Variants in C1QTNF6 observed in about 807,000 individuals in gnomAD.
The protein encoded by C1QTNF6 is C1q and TNF related 6.
C1QTNF6 carries 17 observed loss-of-function variants against 20.7 expected under a neutral mutation model. The observed-to-expected ratio is 0.82, with a 90% CI of 0.56 to 1.23. The LOEUF is 1.23. Among genes scored for constraint, C1QTNF6 ranks in the 50% most tolerant of loss-of-function variants. C1QTNF6 has a pLI of 0.00. For synonymous variants in C1QTNF6, 130 were observed against 156.3 expected, an observed-to-expected ratio of 0.83 and a Z score of 1.25; for missense variants, 329 against 389.7, an observed-to-expected ratio of 0.84 and a Z score of 1.31.
rs777306907 is a variant in C1QTNF6, at chr22:37,182,327, C to T, written c.698G>A (p.Ser233Asn). Residue 233 changes from serine (S) to asparagine (N), a missense_variant, in exon 3 of 3, where the codon AGT becomes AAT. By Grantham distance (46) the Ser-to-Asn change is conservative. Transcript: ENST00000337843. ...CCCGTAGGCCAGGTCCAGCATCACA[C>T]TCTGGCTCTGCATGATGCTGCGCTC... ...PSERSIMQSQ[S>N]VMLDLAYGDR... 1.3e-5 allele frequency: 21 copies of T among 1,614,238 alleles called. No homozygotes were observed. The highest frequency in any genetic ancestry group is 1.8e-5 in the Non-Finnish European group (21 of 1,180,030).
At chr22:37,189,596 C>CT (rs1370426825), upstream of C1QTNF6, among the ~76,000 whole-genome samples, 2 of 152,304 alleles carry the variant, frequency 1.3e-5, no homozygotes, top group Admixed American at 1.3e-4. Context: ...TCCTGCCTAA[C>CT]TATTAGAGTC....
chr22:37,188,709 C>A (rs1017153248), upstream of C1QTNF6, among the ~76,000 whole-genome samples: 1 of 152,232 alleles, frequency 6.6e-6, no homozygotes, highest in Non-Finnish European at 1.5e-5. Context: ...ACCACAGTCG[C>A]GTCGCCTCTC....
In C1QTNF6 at chr22:37,182,553, C is replaced by G. The variant is rs370547311; in HGVS notation, c.472G>C (p.Glu158Gln). The G allele has an allele frequency of 6.2e-7, 1 of 1,614,194 alleles. No individual in the cohort carries two copies. Among genetic ancestry groups the G allele is most frequent in the Admixed American group, 1.7e-5 (1 of 60,036 alleles). The change falls in exon 3 of 3, where the codon GAG becomes CAG. Residue 158 changes from glutamate (E) to glutamine (Q), a missense_variant. Transcript: ENST00000337843. ...VGRKTALHSGEDFQTLLFERV... is the reference protein window; with the variant it reads ...VGRKTALHSGQDFQTLLFERV... ...TCGAAGAGCAGCGTCTGGAAGTCCT[C>G]GCCGCTGTGCAGGGCCGTCTTGCGG...
In C1QTNF6 at chr22:37,182,512, G is replaced by T; in HGVS notation, c.513C>A (p.Asn171Lys). 5 of 1,614,282 alleles carry T rather than the reference G, an allele frequency of 3.1e-6. No individual in the cohort carries two copies. Among genetic ancestry groups the T allele is most frequent in the South Asian group, 1.1e-5 (1 of 91,090 alleles). The change falls in exon 3 of 3, where the codon AAC (asparagine) becomes AAA (lysine). Residue 171 changes from asparagine to lysine, a missense_variant. Asn to Lys is a moderately conservative substitution (Grantham distance 94, BLOSUM62 0). Coordinates refer to ENST00000337843, the MANE Select transcript of C1QTNF6 (RefSeq NM_031910.4). ...TCGCCATGTCAAAGCACCCATCAAG[G>T]TTCACAAAGACCCTTTCGAAGAGCA... is the stretch of plus-strand genomic sequence containing the variant. Reference protein sequence around the residue: ...QTLLFERVFVNLDGCFDMATG... With the variant: ...QTLLFERVFVKLDGCFDMATG...
Position 37,185,013 on chromosome 22 carries a change from G to A in C1QTNF6, c.289+205C>T, listed in dbSNP as rs1213124082. On this transcript the variant is annotated intron_variant, in intron 2 of 2. Transcript: ENST00000337843. ...TGCTCACAGCCCATCTCCCCACCGA[G>A]AACGGGTGCTCAGGCAGGAGGCATC... Among the ~76,000 whole-genome samples, 3 of 152,130 alleles carry A rather than the reference G, an allele frequency of 2.0e-5. No homozygotes were observed. The East Asian group carries it at 5.8e-4, about 29-fold the overall frequency.
chr22:37,199,115 C>A (rs1005093347), upstream of C1QTNF6, among the ~76,000 whole-genome samples: 3 of 152,228 alleles, frequency 2.0e-5, no homozygotes, highest in Non-Finnish European at 2.9e-5. Context: ...GCAGCAACTT[C>A]CTCCCCCGAC....
chr22:37,186,557 T>C (rs1338284698), intron 1 of C1QTNF6, among the ~76,000 whole-genome samples: 6 of 152,192 alleles, frequency 3.9e-5, no homozygotes, highest in Non-Finnish European at 8.8e-5. Flanking sequence ...TGAGGATCTG[T>C]CTCTGGCCTT....
chr22:37,189,053 G>T (rs935864674), upstream of C1QTNF6, among the ~76,000 whole-genome samples: 1 of 152,198 alleles, frequency 6.6e-6, no homozygotes, highest in Non-Finnish European at 1.5e-5. Flanking sequence ...AACAGGGGTG[G>T]ATTATTCATG....
chr22:37,183,324 G>A (rs1923970159), intron 2 of C1QTNF6, among the ~76,000 whole-genome samples: 1 of 152,212 alleles, frequency 6.6e-6, no homozygotes, highest in African/African-American at 2.4e-5. Context: ...CCACCTCAGG[G>A]GTGTTTGTGA....
upstream of C1QTNF6, among the ~76,000 whole-genome samples, chr22:37,188,938 T>C (rs1309957087): frequency 1.3e-5 from 2 of 152,180 alleles, no homozygotes; most frequent in Non-Finnish European, 2.9e-5. Context: ...TGAAAGCAAG[T>C]TTATTAGAGA....
Position 37,185,432 on chromosome 22 carries a change from C to T in C1QTNF6, c.75G>A (p.Leu25=). The T allele has an allele frequency of 1.2e-6, 2 of 1,607,696 alleles. No individual in the cohort carries two copies. The highest frequency in any genetic ancestry group is 8.5e-7 in the Non-Finnish European group (1 of 1,176,416). Residue 25 remains leucine (L), a synonymous_variant, in exon 2 of 3, where the codon CTG becomes CTA. Coordinates refer to ENST00000337843, the MANE Select transcript of C1QTNF6 (RefSeq NM_031910.4). The part of the protein sequence containing the change: ...GHRVTMGTAA[L]GPVWAALLLF... The stretch of plus-strand genomic sequence containing the variant: ...GCAGGAGCGCTGCCCAGACGGGACC[C>T]AGGGCGGCTGTCCCCATGGTGACCT...
In C1QTNF6 at chr22:37,185,732, G is replaced by A; in HGVS notation, c.52-277C>T. The A allele has an allele frequency of 2.7e-6, 3 of 1,108,440 alleles. No homozygotes were observed. In the South Asian group the frequency reaches 1.3e-4, roughly 47 times the overall value. 68.7% of individuals were successfully genotyped at this position (1,108,440 alleles called of 1,614,324 possible). On this transcript the variant is annotated intron_variant, in intron 1 of 2. Transcript: ENST00000337843. Reference sequence around the variant, plus strand: ...TTCTGCTCCACACAGGCCTTGGAAGGATGAAGCCCCTCTGAAAACAGCCAC... The same window carrying A: ...TTCTGCTCCACACAGGCCTTGGAAGAATGAAGCCCCTCTGAAAACAGCCAC...
chr22:37,185,214 T>A lies in C1QTNF6; in HGVS notation c.289+4A>T. ...ACTACCAGGCCCCACAGGAGGGCAC[T>A]CACCCTTCAGGATGGTGATATTAAT... On this transcript the variant is annotated splice_donor_region_variant and intron_variant, in intron 2 of 2. Coordinates refer to ENST00000337843, the MANE Select transcript of C1QTNF6 (RefSeq NM_031910.4). 6.5e-7 allele frequency: 1 copy of A among 1,547,304 alleles called. No individual in the cohort carries two copies. The highest frequency in any genetic ancestry group is 8.8e-7 in the Non-Finnish European group (1 of 1,141,654).
Position 37,184,505 on chromosome 22 carries a change from G to A in C1QTNF6, c.289+713C>T, listed in dbSNP as rs937137009. 93 of 700,922 alleles carry A rather than the reference G, an allele frequency of 1.3e-4. No homozygotes were observed. The highest frequency in any genetic ancestry group is 3.4e-4 in the Middle Eastern group (1 of 2,948). 43.4% of individuals were successfully genotyped at this position (700,922 alleles called of 1,614,324 possible). A position where few individuals can be genotyped will look rare whatever the true frequency, so the allele number is the denominator to read the frequency against. On this transcript the variant is annotated intron_variant, in intron 2 of 2. Coordinates refer to ENST00000337843, the MANE Select transcript of C1QTNF6 (RefSeq NM_031910.4). This position sits in a 1 kb window ranked among gnomAD's most constrained non-coding sequence, Gnocchi z 4.0. ...CACCTGGATGCCTTTCACCTGGACG[G>A]GCCCTCACCTGGACAGCCCTCACCT...
At position 37,182,174 on chromosome 22, in the gene C1QTNF6, T is replaced by C. The variant is rs916235; in HGVS notation, c.*14A>G. ...CACCTGAGCTCTCCAGCCGGGAGGG[T>C]GGCCCAGAGGCCCTCAGTCGTCCTC... On this transcript the variant is annotated 3_prime_UTR_variant, in exon 3 of 3. Coordinates refer to ENST00000337843, the MANE Select transcript of C1QTNF6 (RefSeq NM_031910.4). 332,208 of 1,595,258 alleles carry C rather than the reference T, an allele frequency of 0.21. 37,005 individuals are homozygous for C. The highest frequency in any genetic ancestry group is 0.46 in the East Asian group (20,541 of 44,630).
chr22:37,189,297 C>T (rs974353746), upstream of C1QTNF6, among the ~76,000 whole-genome samples: 2 of 152,108 alleles, frequency 1.3e-5, no homozygotes, highest in Non-Finnish European at 2.9e-5. Flanking sequence ...GTTTGTTTAC[C>T]GCATACTGTT....
intron 1 of C1QTNF6, chr22:37,195,798 A>G (rs1925101094): frequency 6.6e-6 from 1 of 152,206 alleles, no homozygotes. Context: ...GTAAATTGTC[A>G]TGGTGCTGGT....
rs570761499 is a variant in C1QTNF6, at chr22:37,180,512, C to T, written c.*1676G>A. The T allele has an allele frequency of 6.5e-6, 1 of 152,866 alleles. No individual in the cohort carries two copies. The highest frequency in any genetic ancestry group is 1.9e-4 in the East Asian group (1 of 5,190). The allele number at this position is 152,866 out of a possible 1,614,324, so 9.5% of individuals were successfully genotyped here. ...TGAGGTCCCTCCTTTGCTCTAGCTC[C>T]CCAGACCTGCTGAGGGCTCTAAAGC... On this transcript the variant is annotated 3_prime_UTR_variant, in exon 3 of 3. Transcript: ENST00000337843.
intron 2 of C1QTNF6, chr22:37,182,942 G>A (rs1923934796): frequency 7.0e-7 from 1 of 1,426,740 alleles, no homozygotes. Context: ...CAGAGAGGGT[G>A]AGTGACTCAC....
Sources: allele counts gnomAD v4.1 joint callset (sites outside exome capture counted in the v4.1 genomes callset), GRCh38; gene constraint gnomAD v4.1.1; non-coding constraint Gnocchi (gnomAD v3.1); transcripts MANE v1.5; gene names NCBI Gene and HGNC (gene_info 2026-07-23, HGNC 2026-07-21).